ADI1: variants seen among roughly 807,000 people sequenced by gnomAD.
The protein encoded by ADI1 is acireductone dioxygenase.
In ADI1, 21 loss-of-function variants were observed where a neutral mutation model predicts 18.7. The ratio of observed to expected loss-of-function variants is 1.13; its 90% CI spans 0.80 to 1.62. The LOEUF (loss-of-function observed/expected upper bound fraction) is 1.62, where lower values mean the gene tolerates loss of function less well. Among genes scored for constraint, ADI1 ranks in the 40% most tolerant of loss-of-function variants. The pLI, the probability that ADI1 is intolerant of heterozygous loss-of-function variation, is 0.00. For missense variants in ADI1, 245 were observed against 254.9 expected, an observed-to-expected ratio of 0.96 and a Z score of 0.26; for synonymous variants, 90 against 100.1, an observed-to-expected ratio of 0.90 and a Z score of 0.60.
intron 2 of ADI1, among the ~76,000 whole-genome samples, chr2:3,509,851 A>T (rs1667258131): frequency 6.6e-6 from 1 of 151,678 alleles, no homozygotes; most frequent in Non-Finnish European, 1.5e-5. Flanking sequence ...AAAAAAAAAA[A>T]AAATTAGGCA....
At chr2:3,502,835 C>G (rs1667055101) in intron 2 of ADI1, among the ~76,000 whole-genome samples, 1 of 152,132 alleles carries the variant, frequency 6.6e-6, no homozygotes, top group Non-Finnish European at 1.5e-5. Flanking sequence ...TTAGGTTGCA[C>G]TCAGTAGGCC....
chr2:3,498,008 G>T lies in ADI1; in HGVS notation c.*955C>A, dbSNP rs1427073178. ...GGTATATGGCATCATCACACCACCG[G>T]TGGGTATTTTAATCCTAAAACTGAG... On this transcript the variant is annotated 3_prime_UTR_variant, in exon 4 of 4. Transcript: ENST00000327435. 6.6e-6 allele frequency: 1 copy of T among 152,118 alleles called. No individual in the cohort carries two copies. Among genetic ancestry groups the T allele is most frequent in the Non-Finnish European group, 1.5e-5 (1 of 68,052 alleles). The allele number at this position is 152,118 out of a possible 1,614,324, so 9.4% of individuals were successfully genotyped here.
At chr2:3,499,947 C>G (rs1243162495) in intron 3 of ADI1, among the ~76,000 whole-genome samples, 2 of 152,038 alleles carry the variant, frequency 1.3e-5, no homozygotes. Context: ...CCCCAGTAAT[C>G]CCAGCTACTC....
chr2:3,516,020 A>G, intron 1 of ADI1: 1 of 984,082 alleles, frequency 1.0e-6, no homozygotes, highest in Non-Finnish European at 1.2e-6. Flanking sequence ...GAATGTGTCC[A>G]TATTATGACA....
intron 1 of ADI1, chr2:3,516,177 T>C (rs1667405054): frequency 2.1e-6 from 1 of 487,270 alleles, no homozygotes; most frequent in Non-Finnish European, 2.7e-6. Flanking sequence ...TTTATAGGAT[T>C]AGTGGCCTTG....
intron 2 of ADI1, among the ~76,000 whole-genome samples, chr2:3,503,863 G>A (rs1486659898): frequency 6.6e-6 from 1 of 152,186 alleles, no homozygotes; most frequent in Non-Finnish European, 1.5e-5. Context: ...ACCAACAAGT[G>A]AGACAAGAAG....
intron 2 of ADI1, 60 bp downstream of exon 2, chr2:3,513,797 G>A: frequency 6.7e-7 from 1 of 1,490,888 alleles, no homozygotes; most frequent in South Asian, 1.4e-5. Context: ...AGAAAATATT[G>A]CGTCTATTAG....
intron 2 of ADI1, among the ~76,000 whole-genome samples, chr2:3,503,190 CAT>C (rs888675177): frequency 6.6e-6 from 1 of 151,172 alleles, no homozygotes; most frequent in African/African-American, 2.4e-5. Context: ...CACATGCACA[CAT>C]ACATGCATGC....
chr2:3,518,468 T>G (rs1310597001), intron 1 of ADI1, among the ~76,000 whole-genome samples: 1 of 152,166 alleles, frequency 6.6e-6, no homozygotes, highest in Admixed American at 6.5e-5. Flanking sequence ...ATAAACAAGG[T>G]GAGCGGATCT....
chr2:3,519,419 G>A lies in ADI1; in HGVS notation c.69C>T (p.Gly23=). The A allele has an allele frequency of 7.2e-7, 1 of 1,383,338 alleles. No individual in the cohort carries two copies. The highest frequency in any genetic ancestry group is 9.3e-7 in the Non-Finnish European group (1 of 1,075,810). 85.7% of individuals were successfully genotyped at this position (1,383,338 alleles called of 1,614,324 possible). The change falls in exon 1 of 4, where the codon GGC becomes GGT. Residue 23 remains glycine, a synonymous_variant. Transcript: ENST00000327435. ...DPRQPHRPDP[G]RPVGLEQLRR... Reference sequence around the variant, plus strand: ...GCAGCTGCTCCAGGCCCACTGGGCGGCCGGGGTCGGGGCGGTGGGGTTGCC... The same window carrying A: ...GCAGCTGCTCCAGGCCCACTGGGCGACCGGGGTCGGGGCGGTGGGGTTGCC...
intron 1 of ADI1, chr2:3,517,138 A>C (rs895900455): frequency 3.9e-5 from 6 of 155,004 alleles, no homozygotes; most frequent in African/African-American, 1.4e-4. Context: ...TTAAAGAAGG[A>C]GGTGCATCTC....
At chr2:3,505,353 G>C (rs558236059) in intron 2 of ADI1, among the ~76,000 whole-genome samples, 27 of 152,270 alleles carry the variant, frequency 1.8e-4, no homozygotes, top group African/African-American at 5.8e-4. Flanking sequence ...GCAGGGCTGG[G>C]GTCGAGAAAC....
In ADI1 at chr2:3,497,366, T is replaced by G. The variant is rs1365059711; in HGVS notation, c.*1597A>C. ...TGCATTTGTCAAAATTCAAAAACAC[T>G]GAAAATGAGTACATTTTATTGTATA... On this transcript the variant is annotated 3_prime_UTR_variant, in exon 4 of 4. Coordinates refer to ENST00000327435, the MANE Select transcript of ADI1 (RefSeq NM_018269.4). 6.6e-6 allele frequency: 1 copy of G among 152,122 alleles called. No individual in the cohort carries two copies. Among genetic ancestry groups the G allele is most frequent in the Non-Finnish European group, 1.5e-5 (1 of 68,024 alleles). The allele number at this position is 152,122 out of a possible 1,614,324, so 9.4% of individuals were successfully genotyped here. A position where few individuals can be genotyped will look rare whatever the true frequency, so the allele number is the denominator to read the frequency against.
At chr2:3,499,423 G>T (rs991760808) in intron 3 of ADI1, among the ~76,000 whole-genome samples, 1 of 152,158 alleles carries the variant, frequency 6.6e-6, no homozygotes, top group Non-Finnish European at 1.5e-5. Context: ...GCCTCATTTG[G>T]CTACAGTTTT....
chr2:3,504,688 G>C (rs1667132885), intron 2 of ADI1, among the ~76,000 whole-genome samples: 1 of 152,098 alleles, frequency 6.6e-6, no homozygotes, highest in African/African-American at 2.4e-5. Context: ...TTGTATTGTT[G>C]GTTCACCTGT....
At chr2:3,508,112 ATTAC>A (rs779522658) in intron 2 of ADI1, among the ~76,000 whole-genome samples, 69 of 152,092 alleles carry the variant, frequency 4.5e-4, no homozygotes, top group Non-Finnish European at 6.9e-4. Context: ...AGGAGGGTGG[ATTAC>A]GAGGTCAGGA....
chr2:3,507,292 A>C (rs1667194420), intron 2 of ADI1, among the ~76,000 whole-genome samples: 1 of 152,236 alleles, frequency 6.6e-6, no homozygotes, highest in Non-Finnish European at 1.5e-5. Flanking sequence ...AATTTTCCAA[A>C]ATTAATGACA....
rs1191790131 is a variant in ADI1, at chr2:3,503,549, TCA to T, written c.241-2558_241-2557del. On this transcript the variant is annotated intron_variant, in intron 2 of 3. Coordinates refer to ENST00000327435, the MANE Select transcript of ADI1 (RefSeq NM_018269.4). ...CATGCACACATACACACGTACACAC[TCA>T]CACACGTGCATTCACTCGCATGGTA... 5.5e-5 allele frequency among the ~76,000 whole-genome samples: 6 copies of T among 109,362 alleles called. 2 individuals are homozygous for T. Among genetic ancestry groups the T allele is most frequent in the Non-Finnish European group, 9.0e-5 (5 of 55,760 alleles). The allele number at this position is 109,362 out of a possible 152,430, so 71.7% of individuals were successfully genotyped here.
At chr2:3,518,240 G>GT (rs1250955677) in intron 1 of ADI1, among the ~76,000 whole-genome samples, 1 of 152,158 alleles carries the variant, frequency 6.6e-6, no homozygotes, top group Admixed American at 6.5e-5. Context: ...TCCCTCTTCT[G>GT]TTATTTAGGA....
Sources: gnomAD v4.1 joint callset for allele counts (sites outside exome capture counted in the v4.1 genomes callset) on GRCh38, gnomAD v4.1.1 for gene constraint, MANE v1.5 for transcripts, NCBI Gene and HGNC (gene_info 2026-07-23, HGNC 2026-07-21) for gene names.